TAC3: variants seen among roughly 807,000 people sequenced by gnomAD.
TAC3 encodes tachykinin precursor 3, also known as tachykinin-3.
TAC3 carries 9 observed loss-of-function variants against 16.5 expected under a neutral mutation model. The ratio of observed to expected loss-of-function variants is 0.55; its 90% confidence interval spans 0.33 to 0.95. The LOEUF (loss-of-function observed/expected upper bound fraction) is 0.95, where lower values mean the gene tolerates loss of function less well. TAC3 is among the 40% of genes least tolerant of loss of function. The pLI is 0.03. For missense variants in TAC3, 129 were observed against 149.1 expected, an observed-to-expected ratio of 0.87 and a Z score of 0.70; for synonymous variants, 52 against 56.7, an observed-to-expected ratio of 0.92 and a Z score of 0.37.
chr12:57,012,040 T>C (rs1030247837), intron 6 of TAC3: 1 of 331,308 alleles, frequency 3.0e-6, no homozygotes, highest in Non-Finnish European at 5.8e-6. Context: ...TAATAATTTC[T>C]CCATCTTTTT....
At position 57,016,518 on chromosome 12, in the gene TAC3, T is replaced by C. The variant is rs947538016; in HGVS notation, c.-137A>G. 1.5e-5 allele frequency: 7 copies of C among 454,110 alleles called. 1 individual carries two copies. Among genetic ancestry groups the C allele is most frequent in the Admixed American group, 7.1e-5 (3 of 42,526 alleles). The allele number at this position is 454,110 out of a possible 1,614,324, so 28.1% of individuals were successfully genotyped here. On this transcript the variant is annotated 5_prime_UTR_variant, in exon 1 of 7. Transcript: ENST00000458521. Reference sequence around the variant, plus strand: ...AAAGAGAGAAACCGAGTGGAGGGGATCTAGGAAGGCTGCAGTCACTCAGTC... The same window carrying C: ...AAAGAGAGAAACCGAGTGGAGGGGACCTAGGAAGGCTGCAGTCACTCAGTC...
chr12:57,012,089 T>C (rs1178169949), intron 6 of TAC3: 6 of 447,274 alleles, frequency 1.3e-5, no homozygotes, highest in East Asian at 8.3e-5. Flanking sequence ...ACAACAGAAA[T>C]TGCCCATCGG....
chr12:57,015,917 C>G (rs1231233262), intron 1 of TAC3, 115 bp from the exon 2 acceptor site: 1 of 817,984 alleles, frequency 1.2e-6, no homozygotes, highest in Non-Finnish European at 2.0e-6. Context: ...GCTTCCCCAG[C>G]CCCCAACTCC....
At position 57,012,872 on chromosome 12, in the gene TAC3, T is replaced by C. The variant is rs1374689270; in HGVS notation, c.242A>G (p.Asp81Gly). The change falls in exon 5 of 7, where the codon GAC (aspartate) becomes GGC (glycine). Residue 81 changes from aspartate (D) to glycine (G), a missense_variant. Transcript: ENST00000458521. Reference sequence around the variant, plus strand: ...AAGTCCCACAAAGAAGTCATGCATGTCACCTGCAGAAAAGGGCCAACATTG... The same window carrying C: ...AAGTCCCACAAAGAAGTCATGCATGCCACCTGCAGAAAAGGGCCAACATTG... ...PKESTSPEKR[D>G]MHDFFVGLMG... 1.2e-6 allele frequency: 2 copies of C among 1,614,096 alleles called. No individual in the cohort carries two copies. Among genetic ancestry groups the C allele is most frequent in the East Asian group, 4.5e-5 (2 of 44,874 alleles).
chr12:57,015,933 C>G (rs2136422676), intron 1 of TAC3, 131 bp from the exon 2 acceptor site: 1 of 754,064 alleles, frequency 1.3e-6, no homozygotes. Context: ...ACTCCACTGT[C>G]CAAGCCCTGG....
At position 57,010,291 on chromosome 12, in the gene TAC3, G is replaced by A. The variant is rs1344217998; in HGVS notation, c.*2-3C>T. On this transcript the variant is annotated splice_polypyrimidine_tract_variant and splice_region_variant and intron_variant, in intron 6 of 6. Transcript: ENST00000458521. ...TCCAGGAGTCCGGAAGTGGAGTACT[G>A]AGGACAAAAAACAAAACAAAACAAA... 1 of 416,638 alleles carries A rather than the reference G, an allele frequency of 2.4e-6. No individual in the cohort carries two copies. The highest frequency in any genetic ancestry group is 1.7e-5 in the South Asian group (1 of 57,944). The allele number at this position is 416,638 out of a possible 1,614,324, so 25.8% of individuals were successfully genotyped here.
At chr12:57,015,178 A>G (rs1956355627) in intron 2 of TAC3, among the ~76,000 whole-genome samples, 1 of 152,140 alleles carries the variant, frequency 6.6e-6, no homozygotes, top group Non-Finnish European at 1.5e-5. Context: ...GAAGCACCTG[A>G]GGTTACTGGG....
chr12:57,010,905 C>T (rs902476699), intron 6 of TAC3: 1 of 152,234 alleles, frequency 6.6e-6, no homozygotes, highest in South Asian at 2.1e-4. Context: ...CTGAAAGAGC[C>T]TGGATGCACA....
intron 4 of TAC3, 60 bp downstream of exon 4, chr12:57,013,299 A>C: frequency 6.3e-7 from 1 of 1,598,216 alleles, no homozygotes; most frequent in Non-Finnish European, 8.6e-7. Flanking sequence ...CCCTGGGCCC[A>C]ATGCCCCACA....
At position 57,015,713 on chromosome 12, in the gene TAC3, C is replaced by T. The variant is rs1956362434; in HGVS notation, c.85G>A (p.Glu29Lys). The T allele has an allele frequency of 1.2e-6, 2 of 1,613,998 alleles. No homozygotes were observed. The highest frequency in any genetic ancestry group is 8.5e-7 in the Non-Finnish European group (1 of 1,180,024). Reference sequence around the variant, plus strand: ...CTGCGGCCCCCGCCAGGAACCACCTCCTCCTGTGGCTCCTTACAGACAGCC... The same window carrying T: ...CTGCGGCCCCCGCCAGGAACCACCTTCTCCTGTGGCTCCTTACAGACAGCC... ...FGAVCKEPQE[E>K]VVPGGGRSKR... The change falls in exon 2 of 7, where the codon GAG becomes AAG. Residue 29 changes from glutamate (E) to lysine (K), a missense_variant. Coordinates refer to ENST00000458521, the MANE Select transcript of TAC3 (RefSeq NM_013251.4).
intron 3 of TAC3, 37 bp downstream of exon 3, chr12:57,013,541 G>A (rs1412993364): frequency 2.5e-6 from 4 of 1,602,684 alleles, no homozygotes; most frequent in Non-Finnish European, 3.4e-6. Context: ...TCAGAATCCT[G>A]CCCCTCATTC....
rs767105079 is a variant in TAC3 at position 57,010,102 on chromosome 12, T to C, written c.*188A>G. The C allele has an allele frequency of 6.6e-6, 3 of 453,908 alleles. No homozygotes were observed. Among genetic ancestry groups the C allele is most frequent in the African/African-American group, 2.0e-5 (1 of 49,970 alleles). The allele number at this position is 453,908 out of a possible 1,614,324, so 28.1% of individuals were successfully genotyped here. A position where few individuals can be genotyped will look rare whatever the true frequency, so the allele number is the denominator to read the frequency against. ...TAGGGTATTCTACAGTCAATGCCCA[T>C]TGGGGTTGGGGATATTCACTATGCA... is the stretch of plus-strand genomic sequence containing the variant. On this transcript the variant is annotated 3_prime_UTR_variant, in exon 7 of 7. Transcript: ENST00000458521.
chr12:57,015,949 A>G, intron 1 of TAC3, 147 bp from the exon 2 acceptor site: 1 of 723,086 alleles, frequency 1.4e-6, no homozygotes, highest in Non-Finnish European at 2.5e-6. Context: ...CCTGGTCTGG[A>G]GAGAGGGTGG....
intron 6 of TAC3, among the ~76,000 whole-genome samples, chr12:57,011,936 C>G (rs896781927): frequency 2.0e-5 from 3 of 152,200 alleles, no homozygotes; most frequent in Admixed American, 6.5e-5. Context: ...TTCTGGGCCC[C>G]GTAACCCAGG....
At chr12:57,014,658 T>C (rs185080346) in intron 2 of TAC3, among the ~76,000 whole-genome samples, 174 of 151,970 alleles carry the variant, frequency 1.1e-3, no homozygotes, top group Admixed American at 3.5e-3. Context: ...GGCTGGAACT[T>C]TGTGGCTCCA....
chr12:57,012,330 C>G (rs768940994), intron 6 of TAC3, 48 bp downstream of exon 6: 6 of 1,533,460 alleles, frequency 3.9e-6, no homozygotes, highest in Non-Finnish European at 4.5e-6. Flanking sequence ...GCAACCCCCA[C>G]AGCCCCCTCC....
rs899794886 is a variant in TAC3 at position 57,010,217 on chromosome 12, G to A, written c.*73C>T. The A allele has an allele frequency of 4.4e-6, 2 of 453,982 alleles. No homozygotes were observed. The highest frequency in any genetic ancestry group is 6.8e-4 in the Middle Eastern group (1 of 1,466). 28.1% of individuals were successfully genotyped at this position (453,982 alleles called of 1,614,324 possible). A position where few individuals can be genotyped will look rare whatever the true frequency, so the allele number is the denominator to read the frequency against. On this transcript the variant is annotated 3_prime_UTR_variant, in exon 7 of 7. Transcript: ENST00000458521. ...ACAGGGAAGAGAAAGGGTAACAGGAGCGTGCGCACCTGGGGATTGGGACAG... is the reference window on the plus strand; with the variant it reads ...ACAGGGAAGAGAAAGGGTAACAGGAACGTGCGCACCTGGGGATTGGGACAG...
intron 6 of TAC3, among the ~76,000 whole-genome samples, chr12:57,011,807 C>T (rs974202281): frequency 2.0e-5 from 3 of 152,180 alleles, no homozygotes; most frequent in African/African-American, 7.2e-5. Flanking sequence ...GATTCACATT[C>T]AGGCCATTGT....
intron 1 of TAC3, among the ~76,000 whole-genome samples, chr12:57,016,098 A>G (rs1956370251): frequency 6.6e-6 from 1 of 152,202 alleles, no homozygotes; most frequent in African/African-American, 2.4e-5. Context: ...GATTTGTAGG[A>G]CATGGACTGG....
Sources: allele counts gnomAD v4.1 joint callset (sites outside exome capture counted in the v4.1 genomes callset), GRCh38; gene constraint gnomAD v4.1.1; transcripts MANE v1.5; gene names NCBI Gene and HGNC (gene_info 2026-07-23, HGNC 2026-07-21).